The following PTPRD variants were observed in gnomAD, a reference collection of about 807,000 sequenced individuals.
The protein encoded by PTPRD is receptor-type tyrosine-protein phosphatase delta.
Under a neutral mutation model 214.5 loss-of-function variants are expected in PTPRD, and 34 were observed. The ratio of observed to expected loss-of-function variants is 0.16; its 90% CI spans 0.12 to 0.21. The LOEUF is 0.21. Ranked by LOEUF, PTPRD falls within the 10% of genes least tolerant of loss-of-function variation. The pLI, the probability that PTPRD is intolerant of heterozygous loss-of-function variation, is 1.00. For missense variants in PTPRD, 2,545 were observed against 2,398.7 expected, an observed-to-expected ratio of 1.06 and a Z score of -1.27; for synonymous variants, 1,128 against 845.7, an observed-to-expected ratio of 1.33 and a Z score of -5.79.
chr9:8,585,667 G>C (rs1016429053), intron 14 of PTPRD, among the ~76,000 whole-genome samples: 2 of 152,198 alleles, frequency 1.3e-5, no homozygotes, highest in African/African-American at 4.8e-5. Flanking sequence ...CAGATGAAAT[G>C]TATTTATTTA....
intron 5 of PTPRD, among the ~76,000 whole-genome samples, chr9:9,850,253 G>T (rs143920638): frequency 6.6e-6 from 1 of 152,206 alleles, no homozygotes; most frequent in African/African-American, 2.4e-5. Flanking sequence ...GGTTTCAGAC[G>T]CATTCTAAAC....
At chr9:9,207,787 A>AAAG (rs2099945799) in intron 9 of PTPRD, among the ~76,000 whole-genome samples, 1 of 152,078 alleles carries the variant, frequency 6.6e-6, no homozygotes, top group Non-Finnish European at 1.5e-5. Context: ...TGTCATAGTA[A>AAAG]AAGAGTTGAA....
At chr9:10,093,546 G>A (rs376146132) in intron 3 of PTPRD, among the ~76,000 whole-genome samples, 7 of 151,302 alleles carry the variant, frequency 4.6e-5, no homozygotes, top group Admixed American at 1.3e-4. Context: ...TGGAGATTTC[G>A]CAAAGAACTT....
chr9:9,367,497 C>T (rs1054927034), intron 9 of PTPRD, among the ~76,000 whole-genome samples: 2 of 151,492 alleles, frequency 1.3e-5, no homozygotes, highest in African/African-American at 4.8e-5. Context: ...AAATGAAATA[C>T]ATAAATTTGA....
At chr9:9,790,296 T>C (rs2098958299) in intron 5 of PTPRD, among the ~76,000 whole-genome samples, 1 of 152,108 alleles carries the variant, frequency 6.6e-6, no homozygotes, top group South Asian at 2.1e-4. Context: ...AAAATGTTTA[T>C]CCTCCTCATC....
intron 2 of PTPRD, among the ~76,000 whole-genome samples, chr9:10,524,452 C>G (rs1172157726): frequency 6.6e-6 from 1 of 151,578 alleles, no homozygotes; most frequent in Non-Finnish European, 1.5e-5. Context: ...GTATCTATAA[C>G]TTAATAAAAT....
intron 2 of PTPRD, among the ~76,000 whole-genome samples, chr9:10,349,709 A>G (rs2097150081): frequency 6.6e-6 from 1 of 152,262 alleles, no homozygotes; most frequent in South Asian, 2.1e-4. Context: ...CATTAAAAAT[A>G]AAAACAAATT....
At chr9:9,590,644 CTT>C (rs1471468866) in intron 7 of PTPRD, among the ~76,000 whole-genome samples, 2 of 151,702 alleles carry the variant, frequency 1.3e-5, no homozygotes, top group African/African-American at 4.8e-5. Context: ...CAAGATAACA[CTT>C]GTCTTTTTCA....
At position 8,451,311 on chromosome 9, in the gene PTPRD, G is replaced by C. The variant is rs373792582; in HGVS notation, c.3876-1474C>G. 2.0e-5 allele frequency among the ~76,000 whole-genome samples: 3 copies of C among 152,138 alleles called. No homozygotes were observed. In the East Asian group the frequency reaches 5.8e-4, roughly 29 times the overall value. ...GGATTTCTTCTTTCTACCTAAAGGT[G>C]TCAGATACAGCCTTGGGACAAAATG... On this transcript the variant is annotated intron_variant, in intron 33 of 45. Coordinates refer to ENST00000381196, the MANE Select transcript of PTPRD (RefSeq NM_002839.4).
chr9:8,331,763 C>G (rs2131662068), intron 43 of PTPRD, 27 bp from the exon 44 acceptor site: 1 of 1,546,540 alleles, frequency 6.5e-7, no homozygotes, highest in South Asian at 1.3e-5. Flanking sequence ...ACATACCCGG[C>G]CGCAAAGGAA....
chr9:8,467,540 G>A (rs2096567769), intron 31 of PTPRD, among the ~76,000 whole-genome samples: 1 of 151,692 alleles, frequency 6.6e-6, no homozygotes. Flanking sequence ...ATAGAAGAAA[G>A]TCTCAATATA....
intron 10 of PTPRD, among the ~76,000 whole-genome samples, chr9:9,176,659 G>A (rs1043147942): frequency 6.6e-6 from 1 of 152,114 alleles, no homozygotes; most frequent in East Asian, 1.9e-4. Flanking sequence ...TATAGTAGAA[G>A]TGGTTTAATT....
At chr9:8,437,990 A>C (rs1168173953) in intron 34 of PTPRD, among the ~76,000 whole-genome samples, 1 of 152,188 alleles carries the variant, frequency 6.6e-6, no homozygotes. Context: ...ACAGATATAA[A>C]TTCCAGCTGG....
chr9:10,478,551 T>C (rs1406122474), intron 2 of PTPRD, among the ~76,000 whole-genome samples: 1 of 152,138 alleles, frequency 6.6e-6, no homozygotes. Flanking sequence ...AAGCAACATA[T>C]AATTAAATTA....
At chr9:10,386,156 G>A (rs1255598254) in intron 2 of PTPRD, among the ~76,000 whole-genome samples, 1 of 151,728 alleles carries the variant, frequency 6.6e-6, no homozygotes, top group Non-Finnish European at 1.5e-5. Context: ...AAAATACATA[G>A]AGTCAAGCTC....
At position 9,935,760 on chromosome 9, in the gene PTPRD, G is replaced by A. The variant is rs1252052014; in HGVS notation, c.-368+2747C>T. Among the ~76,000 whole-genome samples, 23 of 148,854 alleles carry A rather than the reference G, an allele frequency of 1.5e-4. No homozygotes were observed. In the South Asian group the frequency reaches 2.1e-3, roughly 14 times the overall value. ...TCATATGGAACCAAAAAAAAAGCCC[G>A]CATTGCCAAGTCAATCCTAAGCCAA... On this transcript the variant is annotated intron_variant, in intron 5 of 45. Coordinates refer to ENST00000381196, the MANE Select transcript of PTPRD (RefSeq NM_002839.4).
At chr9:8,461,402 A>C (rs1157947542) in intron 32 of PTPRD, among the ~76,000 whole-genome samples, 6 of 152,038 alleles carry the variant, frequency 3.9e-5, no homozygotes, top group African/African-American at 1.4e-4. Flanking sequence ...AATATCGATG[A>C]TTTTTATTTC....
At chr9:8,639,991 C>T (rs2096537823) in intron 12 of PTPRD, among the ~76,000 whole-genome samples, 1 of 152,132 alleles carries the variant, frequency 6.6e-6, no homozygotes, top group Admixed American at 6.5e-5. Context: ...AGTGCAGTGG[C>T]ACGATCAAAG....
intron 9 of PTPRD, among the ~76,000 whole-genome samples, chr9:9,196,348 T>G (rs190766462): frequency 6.6e-6 from 1 of 152,348 alleles, no homozygotes; most frequent in Admixed American, 6.5e-5. Context: ...AACACCATTC[T>G]AAGTAAATCA....
Sources: allele counts gnomAD v4.1 joint callset (sites outside exome capture counted in the v4.1 genomes callset), GRCh38; gene constraint gnomAD v4.1.1; transcripts MANE v1.5; gene names NCBI Gene and HGNC (gene_info 2026-07-23, HGNC 2026-07-21).